WDR49: variants seen among roughly 807,000 people sequenced by gnomAD.
WDR49 encodes cilia- and flagella-associated protein 337.
A neutral mutation model predicts 119.5 loss-of-function variants in WDR49; 107 were observed. The ratio of observed to expected loss-of-function variants is 0.90; its 90% confidence interval spans 0.77 to 1.05. The LOEUF (loss-of-function observed/expected upper bound fraction) is 1.05, where lower values mean the gene tolerates loss of function less well. Among genes scored for constraint, WDR49 ranks in the 50% least tolerant of loss-of-function variants. The pLI, the probability that WDR49 is intolerant of heterozygous loss-of-function variation, is 0.00. For missense variants in WDR49, 1,240 were observed against 1,220.5 expected (o/e 1.02, Z -0.24); for synonymous variants, 425 against 418.8 (o/e 1.01, Z -0.18).
intron 2 of WDR49, among the ~76,000 whole-genome samples, chr3:167,646,345 T>A (rs1490602760): frequency 6.6e-6 from 1 of 152,132 alleles, no homozygotes; most frequent in Admixed American, 6.6e-5. Flanking sequence ...TTCTGCTATC[T>A]CTGGGGCCAA....
chr3:167,623,418 A>G (rs1716961396), intron 3 of WDR49, among the ~76,000 whole-genome samples: 1 of 152,104 alleles, frequency 6.6e-6, no homozygotes, highest in Non-Finnish European at 1.5e-5. Flanking sequence ...CTTCATATTA[A>G]TGGAATAAAA....
At chr3:167,574,605 G>GTCCTTTGGTACATGT (rs1714136374) in intron 8 of WDR49, among the ~76,000 whole-genome samples, 1 of 150,472 alleles carries the variant, frequency 6.6e-6, no homozygotes, top group Admixed American at 6.6e-5. Context: ...TCCTTTGGTT[G>GTCCTTTGGTACATGT]CCTATAAGTG....
At chr3:167,602,958 G>A (rs915745905) in intron 6 of WDR49, among the ~76,000 whole-genome samples, 32 of 152,208 alleles carry the variant, frequency 2.1e-4, no homozygotes, top group African/African-American at 7.0e-4. Context: ...GCTTAGGTGT[G>A]TAGTAGGCTA....
At chr3:167,480,674 G>T (rs548583331) in intron 18 of WDR49, among the ~76,000 whole-genome samples, 16 of 152,272 alleles carry the variant, frequency 1.1e-4, no homozygotes, top group African/African-American at 3.9e-4. Flanking sequence ...GATGTAATCT[G>T]CAGCTTACAA....
chr3:167,527,726 C>T, intron 15 of WDR49, 94 bp downstream of exon 15: 11 of 1,272,494 alleles, frequency 8.6e-6, no homozygotes, highest in Non-Finnish European at 1.1e-5. Context: ...GACTAATGAA[C>T]ATTAAACAGC....
At chr3:167,557,870 CATT>C (rs1713036626) in intron 9 of WDR49, among the ~76,000 whole-genome samples, 2 of 151,874 alleles carry the variant, frequency 1.3e-5, no homozygotes, top group South Asian at 2.1e-4. Flanking sequence ...TGTTAGCTAA[CATT>C]ATTATTATTG....
At chr3:167,552,029 T>C (rs984436526) in intron 10 of WDR49, among the ~76,000 whole-genome samples, 3 of 151,942 alleles carry the variant, frequency 2.0e-5, no homozygotes, top group African/African-American at 7.3e-5. Flanking sequence ...TTGAGAGGGA[T>C]TTCTAGATAA....
intron 2 of WDR49, among the ~76,000 whole-genome samples, chr3:167,635,985 G>GT (rs1717600359): frequency 1.3e-5 from 2 of 151,414 alleles, no homozygotes; most frequent in Admixed American, 1.3e-4. Flanking sequence ...ATTTCCATAG[G>GT]TTTTTTGGAA....
At chr3:167,550,657 A>G (rs1712501021) in intron 10 of WDR49, among the ~76,000 whole-genome samples, 1 of 151,898 alleles carries the variant, frequency 6.6e-6, no homozygotes, top group Admixed American at 6.6e-5. Flanking sequence ...TACTGTAAAT[A>G]TATACAATTT....
chr3:167,589,361 CAGTT>C (rs1037826891), intron 7 of WDR49, among the ~76,000 whole-genome samples: 1 of 152,046 alleles, frequency 6.6e-6, no homozygotes, highest in Non-Finnish European at 1.5e-5. Context: ...AATTTGAAGT[CAGTT>C]AGTGTGATTC....
intron 17 of WDR49, among the ~76,000 whole-genome samples, chr3:167,503,227 A>G (rs1751643682): frequency 6.6e-6 from 1 of 152,222 alleles, no homozygotes; most frequent in Non-Finnish European, 1.5e-5. Context: ...GAGGCTTGAC[A>G]ATCTCACCTC....
intron 16 of WDR49, among the ~76,000 whole-genome samples, chr3:167,522,009 G>GATAGATAGATAT (rs1553862482): frequency 0.029 from 4,207 of 144,146 alleles, 139 homozygotes; most frequent in Admixed American, 0.046. Flanking sequence ...TAGATAGATA[G>GATAGATAGATAT]ATAGATAGAT....
intron 18 of WDR49, among the ~76,000 whole-genome samples, chr3:167,480,452 G>T (rs999336056): frequency 2.6e-5 from 4 of 151,854 alleles, no homozygotes; most frequent in Admixed American, 6.6e-5. Context: ...ACAGTATAGT[G>T]GCATCTTTAT....
chr3:167,609,768 G>A (rs1043431612), intron 5 of WDR49, among the ~76,000 whole-genome samples: 4 of 152,164 alleles, frequency 2.6e-5, no homozygotes, highest in Non-Finnish European at 5.9e-5. Flanking sequence ...CACAGCTCAC[G>A]GCTCCAAAAG....
chr3:167,494,763 G>A (rs1751283674), intron 18 of WDR49, among the ~76,000 whole-genome samples: 1 of 152,176 alleles, frequency 6.6e-6, no homozygotes, highest in East Asian at 1.9e-4. Flanking sequence ...CACAGCTTTG[G>A]CCAGTCTTTC....
intron 7 of WDR49, among the ~76,000 whole-genome samples, chr3:167,578,252 C>T (rs1714349157): frequency 6.6e-6 from 1 of 152,036 alleles, no homozygotes; most frequent in Admixed American, 6.6e-5. Context: ...GTCATCCAGC[C>T]CTTGTTTACT....
At chr3:167,517,939 G>A (rs1206795469) in intron 16 of WDR49, among the ~76,000 whole-genome samples, 1 of 150,456 alleles carries the variant, frequency 6.6e-6, no homozygotes, top group Middle Eastern at 3.2e-3. Flanking sequence ...CTGTGTCCAT[G>A]TGTTCTCATT....
rs147158112 is a variant in WDR49, at chr3:167,563,715, T to C, written c.1510-3487A>G. Among the ~76,000 whole-genome samples the C allele has an allele frequency of 1.6e-3, 248 of 152,340 alleles. 1 individual carries two copies. The highest frequency in any genetic ancestry group is 5.8e-3 in the African/African-American group (242 of 41,584). On this transcript the variant is annotated intron_variant, in intron 8 of 18. Transcript: ENST00000682715. ...ATGATCAAACAGGGTAATTAGCATA[T>C]CCATCACCTTAAACATGTATTATTT...
chr3:167,510,516 C>T (rs1288457506), intron 16 of WDR49, among the ~76,000 whole-genome samples: 1 of 151,942 alleles, frequency 6.6e-6, no homozygotes, highest in Non-Finnish European at 1.5e-5. Context: ...ATCTATTTCT[C>T]CATATCAATT....
Sources: allele counts gnomAD v4.1 joint callset (sites outside exome capture counted in the v4.1 genomes callset), GRCh38; gene constraint gnomAD v4.1.1; transcripts MANE v1.5; gene names NCBI Gene and HGNC (gene_info 2026-07-23, HGNC 2026-07-21).